The following ST6GAL2 variants were observed in gnomAD, a reference collection of about 807,000 sequenced individuals.
The protein encoded by ST6GAL2 is beta-galactoside alpha-2,6-sialyltransferase 2.
In ST6GAL2, 24 loss-of-function variants were observed where a neutral mutation model predicts 37.5. The ratio of observed to expected loss-of-function variants is 0.64; its 90% confidence interval spans 0.46 to 0.90. The LOEUF is 0.90. ST6GAL2 is among the 40% of genes least tolerant of loss of function. The pLI, the probability that ST6GAL2 is intolerant of heterozygous loss-of-function variation, is 0.00. For missense variants in ST6GAL2, 715 were observed against 712.7 expected, an observed-to-expected ratio of 1.00 and a Z score of -0.04; for synonymous variants, 306 against 295.1, an observed-to-expected ratio of 1.04 and a Z score of -0.38.
intron 1 of ST6GAL2, among the ~76,000 whole-genome samples, chr2:106,882,011 A>G (rs192257235): frequency 5.1e-4 from 78 of 152,316 alleles, no homozygotes; most frequent in African/African-American, 1.8e-3. Context: ...TTGATATGAC[A>G]TGCTTCGTAT....
chr2:106,849,441 T>C (rs1314895629), intron 1 of ST6GAL2, among the ~76,000 whole-genome samples: 1 of 152,162 alleles, frequency 6.6e-6, no homozygotes, highest in Non-Finnish European at 1.5e-5. Context: ...AATTCCAACC[T>C]GACTCTGGTA....
chr2:106,875,199 G>T (rs1678453424), intron 1 of ST6GAL2, among the ~76,000 whole-genome samples: 2 of 145,708 alleles, frequency 1.4e-5, no homozygotes, highest in Admixed American at 1.4e-4. Flanking sequence ...TTGAAATGGG[G>T]TCCCACCCAT....
chr2:106,874,150 A>T (rs919456829), intron 1 of ST6GAL2, among the ~76,000 whole-genome samples: 12 of 152,198 alleles, frequency 7.9e-5, no homozygotes, highest in East Asian at 1.9e-4. Context: ...ACAGTTTAGC[A>T]GGGATGGGAA....
At chr2:106,811,305 G>A (rs1675600962) in intron 5 of ST6GAL2, among the ~76,000 whole-genome samples, 1 of 152,082 alleles carries the variant, frequency 6.6e-6, no homozygotes, top group Non-Finnish European at 1.5e-5. Flanking sequence ...CTTTGCAAAA[G>A]AGAACTAGGT....
chr2:106,834,666 C>A lies in ST6GAL2; in HGVS notation c.944-520G>T, dbSNP rs149639071. 699 of 153,174 alleles carry A rather than the reference C, an allele frequency of 4.6e-3. 5 individuals are homozygous for A. Among genetic ancestry groups the A allele is most frequent in the Admixed American group, 7.2e-3 (111 of 15,382 alleles). 9.5% of individuals were successfully genotyped at this position (153,174 alleles called of 1,614,324 possible). Reference sequence around the variant, plus strand: ...GTAATGTTGAAGAAAGAAAGAAAGTCAGCCCTGACTTCGACGCAGCCTTAC... The same window carrying A: ...GTAATGTTGAAGAAAGAAAGAAAGTAAGCCCTGACTTCGACGCAGCCTTAC... On this transcript the variant is annotated intron_variant, in intron 2 of 5. Coordinates refer to ENST00000409382, the MANE Select transcript of ST6GAL2 (RefSeq NM_001142351.2).
At chr2:106,853,291 A>G (rs1677447872) in intron 1 of ST6GAL2, among the ~76,000 whole-genome samples, 2 of 152,182 alleles carry the variant, frequency 1.3e-5, no homozygotes, top group Non-Finnish European at 2.9e-5. Flanking sequence ...TAGTTTTTGG[A>G]CAACTGCCAG....
chr2:106,834,755 G>T (rs1676564016), intron 2 of ST6GAL2: 1 of 152,394 alleles, frequency 6.6e-6, no homozygotes, highest in Admixed American at 6.5e-5. Context: ...TGCATTAGCA[G>T]CAATAGCCTG....
chr2:106,875,743 C>G (rs1271722794), intron 1 of ST6GAL2, among the ~76,000 whole-genome samples: 2 of 152,156 alleles, frequency 1.3e-5, no homozygotes, highest in African/African-American at 2.4e-5. Flanking sequence ...TTTAAAACAT[C>G]TCCTAAGAGA....
At chr2:106,839,178 T>A (rs1676771647) in intron 2 of ST6GAL2, among the ~76,000 whole-genome samples, 1 of 152,136 alleles carries the variant, frequency 6.6e-6, no homozygotes, top group African/African-American at 2.4e-5. Context: ...AGGAAGATGA[T>A]CTGCCTTCCA....
chr2:106,858,449 G>A (rs1184358818), intron 1 of ST6GAL2, among the ~76,000 whole-genome samples: 2 of 152,172 alleles, frequency 1.3e-5, no homozygotes, highest in East Asian at 3.9e-4. Context: ...AGCCCTAAAG[G>A]ATAATTGGGG....
At chr2:106,838,300 C>G (rs1184541188) in intron 2 of ST6GAL2, among the ~76,000 whole-genome samples, 2 of 152,170 alleles carry the variant, frequency 1.3e-5, no homozygotes, top group Admixed American at 6.5e-5. Flanking sequence ...GCTGCTGGGC[C>G]AGCACCCGGT....
chr2:106,872,679 G>C (rs1270428660), intron 1 of ST6GAL2, among the ~76,000 whole-genome samples: 1 of 60,186 alleles, frequency 1.7e-5, no homozygotes, highest in Admixed American at 1.9e-4. Context: ...GCATGATCTC[G>C]GCTCACTGCA....
intron 1 of ST6GAL2, among the ~76,000 whole-genome samples, chr2:106,855,262 G>T (rs2104562157): frequency 6.6e-6 from 1 of 152,336 alleles, no homozygotes; most frequent in East Asian, 1.9e-4. Context: ...AGGGAAGAAA[G>T]GGTGCTTAGG....
chr2:106,881,505 C>T (rs1678749132), intron 1 of ST6GAL2, among the ~76,000 whole-genome samples: 1 of 152,140 alleles, frequency 6.6e-6, no homozygotes, highest in South Asian at 2.1e-4. Flanking sequence ...GTTTTTGGCA[C>T]ATAGCAATAT....
chr2:106,836,939 C>A, intron 2 of ST6GAL2, among the ~76,000 whole-genome samples: 3 of 65,478 alleles, frequency 4.6e-5, no homozygotes, highest in Admixed American at 2.0e-4. Flanking sequence ...AGCAAAATTC[C>A]ATCTCAAAAA....
chr2:106,864,309 C>T (rs535836439), intron 1 of ST6GAL2, among the ~76,000 whole-genome samples: 4 of 152,190 alleles, frequency 2.6e-5, no homozygotes, highest in Non-Finnish European at 5.9e-5. Flanking sequence ...GCTCTGATGG[C>T]CCTTGGTCTT....
At position 106,843,914 on chromosome 2, in the gene ST6GAL2, G is replaced by T; in HGVS notation, c.64C>A (p.Leu22Ile). Residue 22 changes from leucine (L) to isoleucine (I), a missense_variant, in exon 2 of 6, where the codon CTC (leucine) becomes ATC (isoleucine). Around this residue, in one of 3 missense-constraint regions of ST6GAL2, gnomAD observed 512 missense variants for 488.8 expected, o/e 1.05. Transcript: ENST00000409382. The part of the protein sequence containing the change: ...MLFGIFAWGL[L>I]FLLIFIYFTD... ...AAGTAGATGAAAATCAGCAAAAAGA[G>T]GAGCCCCCAAGCGAATATTCCGAAA... The T allele has an allele frequency of 6.2e-7, 1 of 1,601,742 alleles. No homozygotes were observed. Among genetic ancestry groups the T allele is most frequent in the Non-Finnish European group, 8.5e-7 (1 of 1,178,994 alleles).
chr2:106,858,287 A>C (rs1677660835), intron 1 of ST6GAL2, among the ~76,000 whole-genome samples: 1 of 152,202 alleles, frequency 6.6e-6, no homozygotes, highest in African/African-American at 2.4e-5. Flanking sequence ...ACAAATCAAA[A>C]AGAACTTCTC....
chr2:106,827,484 A>G (rs1023194345), intron 5 of ST6GAL2, among the ~76,000 whole-genome samples: 1 of 152,146 alleles, frequency 6.6e-6, no homozygotes, highest in Non-Finnish European at 1.5e-5. Flanking sequence ...AAGGGCCACA[A>G]ATAAATTTAA....
Sources: allele counts gnomAD v4.1 joint callset (sites outside exome capture counted in the v4.1 genomes callset), GRCh38; gene constraint gnomAD v4.1.1; regional missense constraint gnomAD v4.1.1; transcripts MANE v1.5; gene names NCBI Gene and HGNC (gene_info 2026-07-23, HGNC 2026-07-21).